The following RTN1 variants were observed in gnomAD, a reference collection of about 807,000 sequenced individuals.
The protein encoded by RTN1 is reticulon 1, also known as reticulon-1.
In RTN1, 25 loss-of-function variants were observed where a neutral mutation model predicts 65.5. The ratio of observed to expected loss-of-function variants is 0.38; its 90% confidence interval spans 0.28 to 0.53. RTN1 has a LOEUF of 0.53. RTN1 is among the 20% of genes least tolerant of loss of function. RTN1 has a pLI of 0.79. For synonymous variants in RTN1, 471 were observed against 447.6 expected (o/e 1.05, Z -0.66); for missense variants, 983 against 1,025.4 (o/e 0.96, Z 0.57).
chr14:59,655,885 T>G (rs1202846449), intron 3 of RTN1, among the ~76,000 whole-genome samples: 1 of 152,116 alleles, frequency 6.6e-6, no homozygotes. Context: ...AGAAAATTCT[T>G]CAAAGAAAAC....
chr14:59,687,151 A>T (rs1249036679), intron 3 of RTN1, among the ~76,000 whole-genome samples: 1 of 152,212 alleles, frequency 6.6e-6, no homozygotes, highest in South Asian at 2.1e-4. Flanking sequence ...ACCAGTCTGC[A>T]CGTGTCATTG....
intron 3 of RTN1, among the ~76,000 whole-genome samples, chr14:59,615,095 T>C (rs1882065961): frequency 6.6e-6 from 1 of 152,226 alleles, no homozygotes; most frequent in African/African-American, 2.4e-5. Flanking sequence ...AAAAATTCTG[T>C]GGGTATAAAC....
intron 1 of RTN1, among the ~76,000 whole-genome samples, chr14:59,860,480 A>T (rs1887688813): frequency 6.6e-6 from 1 of 152,312 alleles, no homozygotes; most frequent in Middle Eastern, 3.4e-3. Flanking sequence ...AGGGCAGTGC[A>T]AAAGAGAAAT....
intron 1 of RTN1, among the ~76,000 whole-genome samples, chr14:59,854,139 G>A (rs1337338157): frequency 3.3e-5 from 5 of 151,866 alleles, no homozygotes; most frequent in Non-Finnish European, 5.9e-5. Context: ...GATTACAGGC[G>A]TGAGCCACCA....
At chr14:59,709,414 T>C (rs1884369358) in intron 3 of RTN1, among the ~76,000 whole-genome samples, 1 of 152,230 alleles carries the variant, frequency 6.6e-6, no homozygotes, top group Admixed American at 6.5e-5. Context: ...GGGACAACCT[T>C]ACCTTGTCTT....
chr14:59,601,538 G>A (rs1298832744), intron 8 of RTN1, among the ~76,000 whole-genome samples: 1 of 152,152 alleles, frequency 6.6e-6, no homozygotes, highest in Non-Finnish European at 1.5e-5. Context: ...ATCATATGAA[G>A]TGTCCAGAAC....
chr14:59,842,821 A>G (rs994887410), intron 1 of RTN1, among the ~76,000 whole-genome samples: 1 of 152,200 alleles, frequency 6.6e-6, no homozygotes, highest in African/African-American at 2.4e-5. Context: ...AGAATGTCTG[A>G]AATTAGAGTC....
intron 3 of RTN1, among the ~76,000 whole-genome samples, chr14:59,662,949 A>T (rs1164906316): frequency 6.6e-6 from 1 of 152,154 alleles, no homozygotes; most frequent in Non-Finnish European, 1.5e-5. Context: ...AAAAGAGCCC[A>T]TATAGCCAAG....
At chr14:59,742,384 A>G (rs1040816592) in intron 2 of RTN1, among the ~76,000 whole-genome samples, 1 of 152,164 alleles carries the variant, frequency 6.6e-6, no homozygotes, top group African/African-American at 2.4e-5. Context: ...CAGGGCATTT[A>G]TTATGTTTTC....
chr14:59,621,417 G>A (rs549248592), intron 3 of RTN1, among the ~76,000 whole-genome samples: 1 of 152,308 alleles, frequency 6.6e-6, no homozygotes, highest in South Asian at 2.1e-4. Flanking sequence ...AAACTGAGGA[G>A]AAACACATTG....
rs1365102248 is a variant in RTN1 at position 59,849,996 on chromosome 14, C to A, written c.241+20394G>T. 2.6e-5 allele frequency among the ~76,000 whole-genome samples: 4 copies of A among 152,266 alleles called. No individual in the cohort carries two copies. Among genetic ancestry groups the A allele is most frequent in the Middle Eastern group, 3.4e-3 (1 of 294 alleles). On this transcript the variant is annotated intron_variant, in intron 1 of 8. Coordinates refer to ENST00000267484, the MANE Select transcript of RTN1 (RefSeq NM_021136.3). The surrounding 1 kb of genome is among the most constrained non-coding windows in gnomAD (Gnocchi z 4.5). Reference sequence around the variant, plus strand: ...ATTTGTGTCCATTCCAGGGGCCAAGCCTCTCCTTTCACCGCCACCTCTTCC... The same window carrying A: ...ATTTGTGTCCATTCCAGGGGCCAAGACTCTCCTTTCACCGCCACCTCTTCC...
chr14:59,738,857 G>C (rs1885056952), intron 2 of RTN1, among the ~76,000 whole-genome samples: 1 of 152,212 alleles, frequency 6.6e-6, no homozygotes, highest in South Asian at 2.1e-4. Context: ...CAGGGACATG[G>C]ATGGAGCTGG....
intron 1 of RTN1, among the ~76,000 whole-genome samples, chr14:59,843,113 T>C (rs1887344277): frequency 6.6e-6 from 1 of 152,234 alleles, no homozygotes; most frequent in Non-Finnish European, 1.5e-5. Flanking sequence ...AAACAAATTA[T>C]GATATATTTC....
At chr14:59,858,395 A>AT (rs1887646983) in intron 1 of RTN1, among the ~76,000 whole-genome samples, 1 of 151,898 alleles carries the variant, frequency 6.6e-6, no homozygotes, top group African/African-American at 2.4e-5. Context: ...CAGACATGAC[A>AT]TTGTTTTCTA....
At chr14:59,842,297 C>T (rs1283487523) in intron 1 of RTN1, among the ~76,000 whole-genome samples, 2 of 151,718 alleles carry the variant, frequency 1.3e-5, no homozygotes, top group Non-Finnish European at 2.9e-5. Context: ...TGAAGGAAAC[C>T]TAAGAAAACT....
At position 59,863,860 on chromosome 14, in the gene RTN1, T is replaced by C. The variant is rs77785237; in HGVS notation, c.241+6530A>G. ...TTTACTCAGGCCAAAAATCATGGCATGTCCCTTGTGTTCTTTCTAACACAT... is the reference window on the plus strand; with the variant it reads ...TTTACTCAGGCCAAAAATCATGGCACGTCCCTTGTGTTCTTTCTAACACAT... On this transcript the variant is annotated intron_variant, in intron 1 of 8. Transcript: ENST00000267484. Among the ~76,000 whole-genome samples the C allele has an allele frequency of 2.3e-3, 343 of 152,352 alleles. 2 individuals are homozygous for C. Among genetic ancestry groups the C allele is most frequent in the African/African-American group, 7.9e-3 (329 of 41,586 alleles).
intron 3 of RTN1, among the ~76,000 whole-genome samples, chr14:59,705,779 C>T (rs1168440596): frequency 6.6e-6 from 1 of 152,164 alleles, no homozygotes; most frequent in East Asian, 1.9e-4. Flanking sequence ...CCTACAAATA[C>T]CTTGCAGGCA....
intron 1 of RTN1, among the ~76,000 whole-genome samples, chr14:59,841,919 G>T (rs976536269): frequency 2.6e-4 from 39 of 152,016 alleles, no homozygotes; most frequent in Admixed American, 2.2e-3. Context: ...CTGAGGTCAG[G>T]AGTTCAAGAC....
intron 1 of RTN1, among the ~76,000 whole-genome samples, chr14:59,839,322 G>A (rs961443148): frequency 3.3e-5 from 5 of 152,016 alleles, no homozygotes; most frequent in East Asian, 1.9e-4. Context: ...CTTTAAAAAC[G>A]TTTAAAACAC....
Sources: allele counts gnomAD v4.1 joint callset (sites outside exome capture counted in the v4.1 genomes callset), GRCh38; gene constraint gnomAD v4.1.1; non-coding constraint Gnocchi (gnomAD v3.1); transcripts MANE v1.5; gene names NCBI Gene and HGNC (gene_info 2026-07-23, HGNC 2026-07-21).